SIPA1L2: variants seen among roughly 807,000 people sequenced by gnomAD.
SIPA1L2 encodes the protein signal-induced proliferation-associated 1-like protein 2.
In SIPA1L2, 56 loss-of-function variants were observed where a neutral mutation model predicts 163.9. The observed-to-expected ratio is 0.34, with a 90% CI of 0.28 to 0.43. The LOEUF (loss-of-function observed/expected upper bound fraction) is 0.43. SIPA1L2 is among the 20% of genes least tolerant of loss of function. The pLI is 1.00. For synonymous variants in SIPA1L2, 877 were observed against 865.7 expected, an observed-to-expected ratio of 1.01 and a Z score of -0.23; for missense variants, 1,974 against 2,193.5, an observed-to-expected ratio of 0.90 and a Z score of 2.00.
chr1:232,613,142 A>G (rs891507103), intron 1 of SIPA1L2, among the ~76,000 whole-genome samples: 1 of 152,188 alleles, frequency 6.6e-6, no homozygotes, highest in Non-Finnish European at 1.5e-5. Context: ...CAGCCATGTG[A>G]AACTGTAAGT....
At chr1:232,553,246 C>A (rs553905779) in intron 2 of SIPA1L2, among the ~76,000 whole-genome samples, 1 of 152,152 alleles carries the variant, frequency 6.6e-6, no homozygotes, top group Non-Finnish European at 1.5e-5. Flanking sequence ...TGTCCCTAGT[C>A]GAACTTCTCT....
chr1:232,574,010 C>T (rs1659945966), intron 2 of SIPA1L2, among the ~76,000 whole-genome samples, 164 bp downstream of exon 2: 1 of 152,188 alleles, frequency 6.6e-6, no homozygotes, highest in Admixed American at 6.5e-5. Flanking sequence ...TAAAACAATG[C>T]TCACCCATGT....
chr1:232,437,057 T>C (rs1349921880), intron 15 of SIPA1L2, among the ~76,000 whole-genome samples: 4 of 152,230 alleles, frequency 2.6e-5, no homozygotes, highest in Admixed American at 2.6e-4. Context: ...TACTTTCTAA[T>C]AGTCTAGCCC....
chr1:232,505,099 G>A (rs1026759336), intron 3 of SIPA1L2, among the ~76,000 whole-genome samples: 1 of 152,046 alleles, frequency 6.6e-6, no homozygotes, highest in Admixed American at 6.6e-5. Flanking sequence ...ACTGAAGAAG[G>A]AAGGAAGGCA....
chr1:232,454,330 CACTT>C (rs1413421941), intron 10 of SIPA1L2, among the ~76,000 whole-genome samples: 2 of 152,162 alleles, frequency 1.3e-5, no homozygotes, highest in African/African-American at 4.8e-5. Context: ...GGCTATCTGG[CACTT>C]ACTAATTCAT....
chr1:232,521,347 G>T (rs1004337073), intron 2 of SIPA1L2, among the ~76,000 whole-genome samples: 10 of 152,184 alleles, frequency 6.6e-5, no homozygotes, highest in Non-Finnish European at 2.9e-5. Context: ...ATGTAGTTAA[G>T]AATTTTTTCA....
At position 232,604,260 on chromosome 1, in the gene SIPA1L2, TG is replaced by T. The variant is rs139036321; in HGVS notation, c.-319+25608del. 8.9e-3 allele frequency among the ~76,000 whole-genome samples: 1,362 copies of T among 152,320 alleles called. 23 individuals are homozygous for T. Among genetic ancestry groups the T allele is most frequent in the African/African-American group, 0.031 (1,301 of 41,576 alleles). On this transcript the variant is annotated intron_variant, in intron 1 of 22. Coordinates refer to ENST00000674635, the MANE Select transcript of SIPA1L2 (RefSeq NM_020808.5). ...AATATTCATCATTGAATACAATTTT[TG>T]TATTTTGACTTTAAAAACCTCTTCG...
intron 6 of SIPA1L2, among the ~76,000 whole-genome samples, chr1:232,480,164 T>C (rs866968226): frequency 7.9e-4 from 100 of 126,178 alleles, no homozygotes; most frequent in African/African-American, 3.1e-3. Context: ...CGTGTGTGTG[T>C]GTGTGTGTGT....
Position 232,514,812 on chromosome 1 carries a change from G to T in SIPA1L2, c.528C>A (p.Asp176Glu). Reference sequence around the variant, plus strand: ...CGGTGTTGGGGTTGACTGCATTTTGGTCTAAGACATCTTCGGCATCAATGT... The same window carrying T: ...CGGTGTTGGGGTTGACTGCATTTTGTTCTAAGACATCTTCGGCATCAATGT... ...ISDIDAEDVL[D>E]QNAVNPNTGA... Residue 176 changes from aspartate (D) to glutamate (E), a missense_variant, in exon 3 of 23, where the codon GAC (aspartate) becomes GAA (glutamate). Around this residue, in one of 3 missense-constraint regions of SIPA1L2, gnomAD observed 607 missense variants for 624.0 expected, o/e 0.97. Transcript: ENST00000674635. 6.2e-7 allele frequency: 1 copy of T among 1,614,184 alleles called. No homozygotes were observed. The highest frequency in any genetic ancestry group is 8.5e-7 in the Non-Finnish European group (1 of 1,180,036).
Position 232,465,943 on chromosome 1 carries a change from C to G in SIPA1L2, c.2244-527G>C, listed in dbSNP as rs1031288928. The stretch of plus-strand genomic sequence containing the variant: ...ATCCATAAGCCAAGGGGAGAGGTCT[C>G]AGGAGAAACCAATCCTTGCTGACAC... On this transcript the variant is annotated intron_variant, in intron 8 of 22. Transcript: ENST00000674635. The surrounding 1 kb of genome is among the most constrained non-coding windows in gnomAD (Gnocchi z 4.1). 1.3e-5 allele frequency among the ~76,000 whole-genome samples: 2 copies of G among 151,962 alleles called. No individual in the cohort carries two copies. The highest frequency in any genetic ancestry group is 2.9e-5 in the Non-Finnish European group (2 of 67,980).
At chr1:232,558,650 T>A (rs570799175) in intron 2 of SIPA1L2, among the ~76,000 whole-genome samples, 29 of 152,310 alleles carry the variant, frequency 1.9e-4, no homozygotes, top group Admixed American at 1.2e-3. Context: ...ATTTTTTTTT[T>A]AATTTTGCCA....
intron 19 of SIPA1L2, among the ~76,000 whole-genome samples, chr1:232,413,159 T>C (rs1661055603): frequency 6.6e-6 from 1 of 152,248 alleles, no homozygotes; most frequent in South Asian, 2.1e-4. Flanking sequence ...CTTTGGTTCT[T>C]CATTTTACAG....
At position 232,445,784 on chromosome 1, in the gene SIPA1L2, C is replaced by A; in HGVS notation, c.3098G>T (p.Gly1033Val). 6.2e-7 allele frequency: 1 copy of A among 1,612,228 alleles called. No homozygotes were observed. The highest frequency in any genetic ancestry group is 8.5e-7 in the Non-Finnish European group (1 of 1,179,196). Residue 1033 changes from glycine (G) to valine (V), a missense_variant and splice_region_variant, in exon 11 of 23, where the codon GGG becomes GTG. Around this residue, in one of 3 missense-constraint regions of SIPA1L2, gnomAD observed 1,079 missense variants for 1,150.7 expected, o/e 0.94. Transcript: ENST00000674635. ...QPHDDGSPRR[G>V]CSELCRIPMV... ...AGGGATCCGGCAGAGCTCTGAACAC[C>A]CTCTGTTGGGCCAAGAAGAAATGGT...
At chr1:232,611,481 G>C (rs1381800138) in intron 1 of SIPA1L2, among the ~76,000 whole-genome samples, 1 of 152,190 alleles carries the variant, frequency 6.6e-6, no homozygotes, top group Non-Finnish European at 1.5e-5. Context: ...AAGCCTGATA[G>C]TGATATGAAC....
chr1:232,609,593 G>A (rs937236646), intron 1 of SIPA1L2, among the ~76,000 whole-genome samples: 12 of 152,096 alleles, frequency 7.9e-5, no homozygotes, highest in Non-Finnish European at 1.6e-4. Context: ...CATTTTGGGA[G>A]GCCGAGCTGG....
At chr1:232,450,870 G>A (rs554138893) in intron 10 of SIPA1L2, among the ~76,000 whole-genome samples, 13 of 152,210 alleles carry the variant, frequency 8.5e-5, no homozygotes, top group Admixed American at 3.9e-4. Flanking sequence ...AGAGAATGCT[G>A]GCAAAAATCT....
At chr1:232,503,402 C>T (rs1324377702) in intron 3 of SIPA1L2, among the ~76,000 whole-genome samples, 1 of 152,180 alleles carries the variant, frequency 6.6e-6, no homozygotes, top group East Asian at 1.9e-4. Context: ...TTTCTAGATA[C>T]GGTGATATCT....
intron 15 of SIPA1L2, among the ~76,000 whole-genome samples, chr1:232,436,258 C>A (rs568899108): frequency 2.0e-4 from 31 of 152,332 alleles, no homozygotes; most frequent in African/African-American, 7.0e-4. Flanking sequence ...TACAAGCGAA[C>A]AAGATAGGCC....
intron 3 of SIPA1L2, among the ~76,000 whole-genome samples, chr1:232,495,509 G>A (rs1449708369): frequency 2.0e-5 from 3 of 149,572 alleles, no homozygotes; most frequent in Non-Finnish European, 4.4e-5. Flanking sequence ...AGCTTGCATC[G>A]AGCCGAGATC....
Sources: gnomAD v4.1 joint callset for allele counts (sites outside exome capture counted in the v4.1 genomes callset) on GRCh38, gnomAD v4.1.1 for gene constraint, gnomAD v4.1.1 regional missense constraint, Gnocchi (gnomAD v3.1) non-coding constraint, MANE v1.5 for transcripts, NCBI Gene and HGNC (gene_info 2026-07-23, HGNC 2026-07-21) for gene names.